Variants in PTPRN2 observed in about 807,000 individuals in gnomAD.
PTPRN2 encodes receptor-type tyrosine-protein phosphatase N2.
In PTPRN2, 74 loss-of-function variants were observed where a neutral mutation model predicts 118.8. The observed-to-expected ratio is 0.62, with a 90% CI of 0.52 to 0.76. The LOEUF is 0.76. PTPRN2 is among the 30% of genes least tolerant of loss of function. The probability of loss-of-function intolerance (pLI) is 0.00; values close to 1 mark genes in which losing one functional copy is unlikely to be tolerated. For synonymous variants in PTPRN2, 641 were observed against 608.0 expected, an observed-to-expected ratio of 1.05 and a Z score of -0.80; for missense variants, 1,481 against 1,394.4, an observed-to-expected ratio of 1.06 and a Z score of -0.99.
chr7:158,569,136 A>G (rs1827825773), intron 1 of PTPRN2, among the ~76,000 whole-genome samples: 1 of 152,246 alleles, frequency 6.6e-6, no homozygotes. Context: ...CAAAACACAT[A>G]TAACTAACTG....
At chr7:157,771,942 A>G (rs549096248) in intron 12 of PTPRN2, among the ~76,000 whole-genome samples, 1,557 of 128,874 alleles carry the variant, frequency 0.012, 31 homozygotes, top group African/African-American at 0.047. Flanking sequence ...ACAGACACAT[A>G]CAAAGACACA....
rs975415612 is a variant in PTPRN2, at chr7:157,794,229, G to T, written c.1788+104444C>A. On this transcript the variant is annotated intron_variant, in intron 12 of 22. Coordinates refer to ENST00000389418, the MANE Select transcript of PTPRN2 (RefSeq NM_002847.5). This position sits in a 1 kb window ranked among gnomAD's most constrained non-coding sequence, Gnocchi z 5.2. The stretch of plus-strand genomic sequence containing the variant: ...CCGACCCGGGCTCACACCTCCCCTC[G>T]TTCTCTGCTCCGACCCGGGCTCACA... Among the ~76,000 whole-genome samples, 1 of 147,076 alleles carries T rather than the reference G, an allele frequency of 6.8e-6. No homozygotes were observed. The highest frequency in any genetic ancestry group is 2.5e-5 in the African/African-American group (1 of 39,402).
At chr7:158,000,341 C>T (rs561738789) in intron 11 of PTPRN2, among the ~76,000 whole-genome samples, 20 of 148,768 alleles carry the variant, frequency 1.3e-4, no homozygotes, top group East Asian at 1.0e-3. Flanking sequence ...TGCCAAGGCC[C>T]GTAAGAGAAG....
At position 158,570,528 on chromosome 7, in the gene PTPRN2, G is replaced by C. The variant is rs1029754240; in HGVS notation, c.112+17030C>G. ...GACGCGTCTCCCCGTGGTGGGTCCC[G>C]ATCCCCCGGCCGGCTCTGCCACTGA... On this transcript the variant is annotated intron_variant, in intron 1 of 22. Transcript: ENST00000389418. The surrounding 1 kb of genome is among the most constrained non-coding windows in gnomAD (Gnocchi z 4.5). Among the ~76,000 whole-genome samples, 2 of 152,060 alleles carry C rather than the reference G, an allele frequency of 1.3e-5. No homozygotes were observed. Among genetic ancestry groups the C allele is most frequent in the Non-Finnish European group, 2.9e-5 (2 of 68,008 alleles).
At chr7:158,057,844 C>A (rs1294039726) in intron 11 of PTPRN2, among the ~76,000 whole-genome samples, 1 of 152,222 alleles carries the variant, frequency 6.6e-6, no homozygotes, top group East Asian at 1.9e-4. Flanking sequence ...GAAAGACACA[C>A]AGCAAAAGCT....
At chr7:158,288,775 T>C (rs1390564722) in intron 3 of PTPRN2, among the ~76,000 whole-genome samples, 7 of 152,234 alleles carry the variant, frequency 4.6e-5, no homozygotes, top group Non-Finnish European at 1.0e-4. Context: ...GTGAGTTCTA[T>C]ACTTTTGTAT....
rs150119440 is a variant in PTPRN2, at chr7:158,287,901, G to A, written c.277+28918C>T. Among the ~76,000 whole-genome samples the A allele has an allele frequency of 1.5e-3, 221 of 152,162 alleles. 1 individual carries two copies. The highest frequency in any genetic ancestry group is 4.8e-3 in the African/African-American group (200 of 41,542). On this transcript the variant is annotated intron_variant, in intron 3 of 22. Coordinates refer to ENST00000389418, the MANE Select transcript of PTPRN2 (RefSeq NM_002847.5). ...CTGTCTGAATGATCTGTCCATTGCC[G>A]AAAGTGGGTATTGAAGTCCCCTACT...
intron 12 of PTPRN2, among the ~76,000 whole-genome samples, chr7:157,720,472 C>G (rs1292054344): frequency 6.6e-6 from 1 of 152,238 alleles, no homozygotes; most frequent in African/African-American, 2.4e-5. Context: ...ACACCCGGGT[C>G]AAGGGCAAAT....
chr7:157,796,765 T>G (rs946776792), intron 12 of PTPRN2, among the ~76,000 whole-genome samples: 1 of 151,736 alleles, frequency 6.6e-6, no homozygotes, highest in African/African-American at 2.4e-5. Flanking sequence ...ACGGTGGGCG[T>G]AGGCGCAAGG....
chr7:157,656,082 G>A (rs947239166), intron 14 of PTPRN2, among the ~76,000 whole-genome samples: 1 of 151,622 alleles, frequency 6.6e-6, no homozygotes, highest in South Asian at 2.1e-4. Flanking sequence ...ACTAAATAGC[G>A]GGTGCTCACT....
rs1797913652 is a variant in PTPRN2, at chr7:157,539,568, T to G, written c.*1146A>C. On this transcript the variant is annotated 3_prime_UTR_variant, in exon 23 of 23. Transcript: ENST00000389418. ...GTTATTTTGTCAAATCCGAATCATC[T>G]CTACGTGCTTAGGTTTACATGATGT... 6.6e-6 allele frequency: 1 copy of G among 152,264 alleles called. No homozygotes were observed. The highest frequency in any genetic ancestry group is 2.1e-4 in the South Asian group (1 of 4,830). 9.4% of individuals were successfully genotyped at this position (152,264 alleles called of 1,614,324 possible). A position where few individuals can be genotyped will look rare whatever the true frequency, so the allele number is the denominator to read the frequency against.
At chr7:157,926,925 C>G (rs896334103) in intron 11 of PTPRN2, among the ~76,000 whole-genome samples, 1 of 150,736 alleles carries the variant, frequency 6.6e-6, no homozygotes, top group African/African-American at 2.4e-5. Flanking sequence ...CCCCAGGGAC[C>G]CGTCTGAGAG....
chr7:157,943,681 AG>A (rs1459902066), intron 11 of PTPRN2, among the ~76,000 whole-genome samples: 1 of 141,562 alleles, frequency 7.1e-6, no homozygotes, highest in Non-Finnish European at 1.5e-5. Context: ...AGTCCTCCCC[AG>A]ATGCCAAAGC....
At position 157,643,427 on chromosome 7, in the gene PTPRN2, G is replaced by C. The variant is rs546109747; in HGVS notation, c.2196+12930C>G. 3.7e-4 allele frequency among the ~76,000 whole-genome samples: 57 copies of C among 152,316 alleles called. 1 individual carries two copies. In the East Asian group the frequency reaches 0.011, roughly 29 times the overall value. On this transcript the variant is annotated intron_variant, in intron 14 of 22. Transcript: ENST00000389418. ...GAGTTCCACACCCTCAATAAAGGCG[G>C]ATCATGGAAGGGACACTCTCTGCCT...
intron 11 of PTPRN2, among the ~76,000 whole-genome samples, chr7:157,958,690 A>G (rs1294914829): frequency 6.6e-6 from 1 of 152,242 alleles, no homozygotes; most frequent in Non-Finnish European, 1.5e-5. Flanking sequence ...TATTTAGGGT[A>G]GGCTTAACTA....
chr7:158,583,766 A>G (rs933242576), intron 1 of PTPRN2, among the ~76,000 whole-genome samples: 4 of 152,174 alleles, frequency 2.6e-5, no homozygotes, highest in African/African-American at 9.7e-5. Flanking sequence ...AGGCTGATGG[A>G]GACCGAGCAG....
intron 12 of PTPRN2, among the ~76,000 whole-genome samples, chr7:157,840,159 G>A (rs567143334): frequency 2.0e-5 from 3 of 150,256 alleles, no homozygotes; most frequent in South Asian, 4.2e-4. Flanking sequence ...ATGTGACTGT[G>A]TGGCCCTGTG....
chr7:157,574,511 A>AAT, intron 19 of PTPRN2: 1 of 373,054 alleles, frequency 2.7e-6, no homozygotes, highest in South Asian at 2.0e-5. Context: ...AGAGAGTAAT[A>AAT]ATGAGAGAGA....
chr7:158,138,240 G>A, intron 7 of PTPRN2, 54 bp downstream of exon 7: 1 of 1,541,968 alleles, frequency 6.5e-7, no homozygotes, highest in African/African-American at 1.4e-5. Flanking sequence ...CAGCCCTGAG[G>A]CCTCCCCTCC....
Sources: allele counts gnomAD v4.1 joint callset (sites outside exome capture counted in the v4.1 genomes callset), GRCh38; gene constraint gnomAD v4.1.1; non-coding constraint Gnocchi (gnomAD v3.1); transcripts MANE v1.5; gene names NCBI Gene and HGNC (gene_info 2026-07-23, HGNC 2026-07-21).